Variants in RASGRF2 observed in about 807,000 individuals in gnomAD.
The protein encoded by RASGRF2 is Ras protein specific guanine nucleotide releasing factor 2.
In RASGRF2, 76 loss-of-function variants were observed where a neutral mutation model predicts 151.0. That is an observed-to-expected ratio of 0.50 (90% CI 0.42 to 0.61). RASGRF2 has a LOEUF of 0.61. Ranked by LOEUF, RASGRF2 falls within the 20% of genes least tolerant of loss-of-function variation. The pLI is 0.00. For synonymous variants in RASGRF2, 504 were observed against 566.5 expected (o/e 0.89, Z 1.57); for missense variants, 1,148 against 1,564.6 (o/e 0.73, Z 4.49).
chr5:81,103,587 C>T (rs1752762368), intron 12 of RASGRF2, among the ~76,000 whole-genome samples: 2 of 152,154 alleles, frequency 1.3e-5, no homozygotes, highest in South Asian at 4.1e-4. Context: ...AGATATGAAT[C>T]CTCATACTGA....
At chr5:81,029,513 C>T (rs1390192530) in intron 1 of RASGRF2, among the ~76,000 whole-genome samples, 5 of 152,188 alleles carry the variant, frequency 3.3e-5, no homozygotes, top group Admixed American at 2.0e-4. Flanking sequence ...CTGCAGCCTC[C>T]GCTGGTGATA....
intron 13 of RASGRF2, among the ~76,000 whole-genome samples, chr5:81,112,132 C>G (rs1441409825): frequency 3.9e-5 from 6 of 152,082 alleles, no homozygotes. Context: ...TTTTCATAGC[C>G]CTGCCTATGC....
At chr5:81,117,239 G>T (rs192542066) in intron 15 of RASGRF2, among the ~76,000 whole-genome samples, 1 of 152,220 alleles carries the variant, frequency 6.6e-6, no homozygotes, top group Non-Finnish European at 1.5e-5. Context: ...CTTTGTTTTG[G>T]GCTGTTATAG....
intron 1 of RASGRF2, among the ~76,000 whole-genome samples, chr5:80,985,566 G>T (rs564291428): frequency 6.6e-6 from 1 of 152,246 alleles, no homozygotes; most frequent in Non-Finnish European, 1.5e-5. Flanking sequence ...AATTGTTTTG[G>T]TAGTAAAGTA....
chr5:81,201,256 G>A, intron 18 of RASGRF2, 74 bp from the exon 19 acceptor site: 2 of 1,512,792 alleles, frequency 1.3e-6, no homozygotes, highest in South Asian at 1.4e-5. Flanking sequence ...AATTTATCAT[G>A]GAGAATGGTG....
intron 12 of RASGRF2, among the ~76,000 whole-genome samples, chr5:81,106,395 G>A (rs868257543): frequency 1.3e-5 from 2 of 151,982 alleles, no homozygotes; most frequent in Non-Finnish European, 2.9e-5. Flanking sequence ...TTCTCCCCTC[G>A]TTTCCATTGA....
At chr5:80,973,431 A>G (rs111889222) in intron 1 of RASGRF2, among the ~76,000 whole-genome samples, 118 of 152,126 alleles carry the variant, frequency 7.8e-4, no homozygotes, top group Non-Finnish European at 1.5e-3. Context: ...TGGGTATCTC[A>G]TTCCAGTAGC....
At chr5:81,019,183 G>T (rs1053582826) in intron 1 of RASGRF2, among the ~76,000 whole-genome samples, 3 of 151,134 alleles carry the variant, frequency 2.0e-5, no homozygotes, top group Admixed American at 6.6e-5. Context: ...TCAGGGAAAA[G>T]AATACCCTGG....
chr5:80,961,146 C>A (rs1038588190), intron 1 of RASGRF2, 120 bp downstream of exon 1: 105 of 1,169,830 alleles, frequency 9.0e-5, no homozygotes, highest in Non-Finnish European at 1.1e-4. Context: ...CTCCGAAATC[C>A]CCCCGCGTCA....
At chr5:81,020,437 C>T (rs1446312741) in intron 1 of RASGRF2, among the ~76,000 whole-genome samples, 5 of 152,108 alleles carry the variant, frequency 3.3e-5, no homozygotes, top group Non-Finnish European at 7.3e-5. Context: ...TGTATGACTG[C>T]GTGAAACACA....
intron 1 of RASGRF2, among the ~76,000 whole-genome samples, chr5:80,994,203 A>G (rs1378425276): frequency 6.6e-6 from 1 of 151,872 alleles, no homozygotes; most frequent in African/African-American, 2.4e-5. Flanking sequence ...GTCTCTAATA[A>G]AAATACAAAA....
intron 2 of RASGRF2, among the ~76,000 whole-genome samples, chr5:81,054,238 C>T (rs975297297): frequency 3.3e-5 from 5 of 152,182 alleles, no homozygotes; most frequent in Non-Finnish European, 7.3e-5. Context: ...AGGTTTTCTT[C>T]TAGGGTTTTT....
At chr5:81,138,882 G>A (rs1394884541) in intron 17 of RASGRF2, among the ~76,000 whole-genome samples, 1 of 152,090 alleles carries the variant, frequency 6.6e-6, no homozygotes, top group African/African-American at 2.4e-5. Flanking sequence ...ATTATGGATG[G>A]ATATGGTAAC....
At chr5:81,197,148 T>C (rs7710039) in intron 18 of RASGRF2, among the ~76,000 whole-genome samples, 38,176 of 152,122 alleles carry the variant, frequency 0.25, 5,046 homozygotes, top group Middle Eastern at 0.4. Flanking sequence ...ATTGGGACTA[T>C]GGTCAAACAG....
At chr5:81,156,672 C>G (rs114500492) in intron 17 of RASGRF2, among the ~76,000 whole-genome samples, 1 of 152,002 alleles carries the variant, frequency 6.6e-6, no homozygotes, top group East Asian at 1.9e-4. Context: ...AATGAAAATT[C>G]CTTAGTTTGA....
At chr5:81,034,715 C>T (rs539507185) in intron 1 of RASGRF2, among the ~76,000 whole-genome samples, 1,642 of 148,836 alleles carry the variant, frequency 0.011, 20 homozygotes, top group Non-Finnish European at 0.02. Context: ...AACCAAACAC[C>T]GCATATTCTC....
chr5:80,990,972 C>T (rs1748630554), intron 1 of RASGRF2, among the ~76,000 whole-genome samples: 1 of 152,168 alleles, frequency 6.6e-6, no homozygotes, highest in South Asian at 2.1e-4. Flanking sequence ...AGTTATTTAC[C>T]TTGAGAAATG....
At chr5:81,162,881 G>T (rs891289041) in intron 17 of RASGRF2, among the ~76,000 whole-genome samples, 1 of 152,080 alleles carries the variant, frequency 6.6e-6, no homozygotes, top group African/African-American at 2.4e-5. Context: ...CAGGAAATTG[G>T]GTATATAAGA....
At chr5:80,969,504 A>G (rs1221317173) in intron 1 of RASGRF2, among the ~76,000 whole-genome samples, 2 of 147,826 alleles carry the variant, frequency 1.4e-5, no homozygotes, top group Non-Finnish European at 3.0e-5. Context: ...GCTGGAGTGC[A>G]GTGGCGCGAT....
Sources: allele counts gnomAD v4.1 joint callset (sites outside exome capture counted in the v4.1 genomes callset), GRCh38; gene constraint gnomAD v4.1.1; transcripts MANE v1.5; gene names NCBI Gene and HGNC (gene_info 2026-07-23, HGNC 2026-07-21).